Variants in DOCK11 observed in about 807,000 individuals in gnomAD.
DOCK11 encodes dedicator of cytokinesis protein 11.
In DOCK11, 70 loss-of-function variants were observed where a neutral mutation model predicts 169.1. The observed-to-expected ratio is 0.41, with a 90% CI of 0.34 to 0.51. The LOEUF (loss-of-function observed/expected upper bound fraction) is 0.51. Ranked by LOEUF, DOCK11 falls within the 20% of genes least tolerant of loss-of-function variation. The pLI, the probability that DOCK11 is intolerant of heterozygous loss-of-function variation, is 0.10. For missense variants in DOCK11, 1,166 were observed against 1,538.8 expected, an observed-to-expected ratio of 0.76 and a Z score of 4.05; for synonymous variants, 529 against 541.3, an observed-to-expected ratio of 0.98 and a Z score of 0.32.
rs1243002318 is a variant in DOCK11, at chrX:118,654,981, A to G, written c.4969+20A>G. ...GAAAAAGTAAGATATTTCTGTTTTT[A>G]GAGATGGGGGGATTTTCATTTAGCA... On this transcript the variant is annotated intron_variant, in intron 44 of 52. Transcript: ENST00000276202. The G allele has an allele frequency of 8.5e-7, 1 of 1,181,420 alleles. No individual in the cohort carries two copies.
intron 23 of DOCK11, among the ~76,000 whole-genome samples, chrX:118,602,590 G>A (rs764378645): frequency 9.1e-6 from 1 of 110,065 alleles, no homozygotes; most frequent in East Asian, 2.9e-4. Flanking sequence ...GCCCAGGCTG[G>A]AGTGCAATGG....
intron 31 of DOCK11, among the ~76,000 whole-genome samples, chrX:118,618,992 G>C (rs2014893594): frequency 9.2e-6 from 1 of 108,344 alleles, no homozygotes; most frequent in Non-Finnish European, 1.9e-5. Context: ...CGAGTTGCTG[G>C]GACTACAGGC....
At chrX:118,530,586 G>A (rs773185425) in intron 1 of DOCK11, among the ~76,000 whole-genome samples, 1 of 112,011 alleles carries the variant, frequency 8.9e-6, no homozygotes, top group South Asian at 3.7e-4. Context: ...CTTCTTCTTT[G>A]CTAAGACTTA....
In DOCK11 at chrX:118,681,783, A is replaced by G. The variant is rs763376376; in HGVS notation, c.5952A>G (p.Lys1984=). The G allele has an allele frequency of 1.7e-6, 2 of 1,195,339 alleles. No individual in the cohort carries two copies. The highest frequency in any genetic ancestry group is 3.0e-5 in the East Asian group (1 of 33,597). Residue 1984 remains lysine (K), a synonymous_variant, in exon 51 of 53, where the codon AAA becomes AAG. Transcript: ENST00000276202. The part of the protein sequence containing the change: ...KYPPKKVSEL[K]DMFRKFIQAC... ...CACCTAAGAAAGTGAGTGAGTTGAA[A>G]GACATGTTTAGGTAAGTGTTTTATA... is the stretch of plus-strand genomic sequence containing the variant.
intron 6 of DOCK11, among the ~76,000 whole-genome samples, chrX:118,548,148 T>C (rs6645501): frequency 0.14 from 16,007 of 112,286 alleles, 2,630 homozygotes; most frequent in African/African-American, 0.47. Context: ...ATTCATAAAA[T>C]AAGATGTTAG....
intron 12 of DOCK11, among the ~76,000 whole-genome samples, chrX:118,577,865 A>G (rs748674774): frequency 1.8e-3 from 207 of 112,370 alleles, no homozygotes; most frequent in African/African-American, 6.4e-3. Flanking sequence ...TTTAAACAAC[A>G]GGCATAACCA....
intron 7 of DOCK11, among the ~76,000 whole-genome samples, chrX:118,563,399 A>G (rs2012973423): frequency 9.0e-6 from 1 of 110,982 alleles, no homozygotes; most frequent in Admixed American, 9.7e-5. Flanking sequence ...AGATATGATC[A>G]CGCCTGTGGA....
At chrX:118,505,069 G>T (rs1441815102) in intron 1 of DOCK11, among the ~76,000 whole-genome samples, 1 of 112,292 alleles carries the variant, frequency 8.9e-6, no homozygotes, top group East Asian at 2.8e-4. Flanking sequence ...TGTCACCCAG[G>T]CTGGAGTGCA....
intron 19 of DOCK11, among the ~76,000 whole-genome samples, chrX:118,590,732 C>T (rs1041804944): frequency 4.5e-5 from 5 of 112,125 alleles, no homozygotes; most frequent in African/African-American, 1.6e-4. Flanking sequence ...CTCTCTGTAA[C>T]TGAAATACTA....
At chrX:118,656,734 T>C (rs762352007) in intron 44 of DOCK11, among the ~76,000 whole-genome samples, 64 of 111,674 alleles carry the variant, frequency 5.7e-4, no homozygotes, top group South Asian at 1.1e-3. Flanking sequence ...GAGGCCAAGG[T>C]AGGTGATCAC....
At chrX:118,556,395 A>G in intron 6 of DOCK11, among the ~76,000 whole-genome samples, 1 of 109,364 alleles carries the variant, frequency 9.1e-6, no homozygotes, top group East Asian at 2.9e-4. Context: ...TCCTATGTTT[A>G]ATCTTTGATG....
chrX:118,548,466 G>T (rs998534730), intron 6 of DOCK11, among the ~76,000 whole-genome samples: 5 of 111,553 alleles, frequency 4.5e-5, no homozygotes, highest in Non-Finnish European at 9.4e-5. Flanking sequence ...ACAATTATGC[G>T]GGTGGGCCCA....
At chrX:118,625,924 C>T (rs1443408324) in intron 32 of DOCK11, among the ~76,000 whole-genome samples, 1 of 111,361 alleles carries the variant, frequency 9.0e-6, no homozygotes, top group Admixed American at 9.6e-5. Context: ...GGTTTTCTAT[C>T]CACTGGTCTT....
At chrX:118,514,040 A>G (rs1233009652) in intron 1 of DOCK11, among the ~76,000 whole-genome samples, 4 of 111,546 alleles carry the variant, frequency 3.6e-5, no homozygotes, top group Non-Finnish European at 7.5e-5. Flanking sequence ...GGTGGGAACA[A>G]GTGGAGGTAA....
At chrX:118,613,767 C>T (rs1050950395) in intron 28 of DOCK11, among the ~76,000 whole-genome samples, 5 of 112,106 alleles carry the variant, frequency 4.5e-5, no homozygotes, top group Admixed American at 9.4e-5. Context: ...GGCTGTAGTG[C>T]GCTATGACTG....
intron 31 of DOCK11, among the ~76,000 whole-genome samples, chrX:118,621,863 G>A (rs1021424033): frequency 9.0e-6 from 1 of 111,315 alleles, no homozygotes; most frequent in African/African-American, 3.3e-5. Context: ...TTGATCTCCT[G>A]ACCTCGTGAT....
At chrX:118,596,470 C>T (rs1379543347) in intron 20 of DOCK11, among the ~76,000 whole-genome samples, 1 of 112,496 alleles carries the variant, frequency 8.9e-6, no homozygotes, top group African/African-American at 3.2e-5. Flanking sequence ...CACACACACT[C>T]ACACACAGAG....
At chrX:118,651,640 G>C (rs1269613987) in intron 41 of DOCK11, among the ~76,000 whole-genome samples, 1 of 111,911 alleles carries the variant, frequency 8.9e-6, no homozygotes, top group African/African-American at 3.2e-5. Flanking sequence ...AACCTAGAAA[G>C]CATATTTAAA....
intron 36 of DOCK11, among the ~76,000 whole-genome samples, chrX:118,637,247 G>A (rs1260062378): frequency 9.0e-6 from 1 of 110,749 alleles, no homozygotes; most frequent in African/African-American, 3.3e-5. Context: ...AGGGATATCA[G>A]GGGACCTATT....
Sources: allele counts gnomAD v4.1 joint callset (sites outside exome capture counted in the v4.1 genomes callset), GRCh38; gene constraint gnomAD v4.1.1; transcripts MANE v1.5; gene names NCBI Gene and HGNC (gene_info 2026-07-23, HGNC 2026-07-21).